Variants in ULK4 observed in about 807,000 individuals in gnomAD.
The protein encoded by ULK4 is inactive serine/threonine-protein kinase ULK4.
ULK4 carries 133 observed loss-of-function variants against 160.6 expected under a neutral mutation model. The observed-to-expected ratio is 0.83, with a 90% CI of 0.72 to 0.96. The LOEUF (loss-of-function observed/expected upper bound fraction) is 0.96. Among genes scored for constraint, ULK4 ranks in the 40% least tolerant of loss-of-function variants. The probability of loss-of-function intolerance (pLI) is 0.00; values close to 1 mark genes in which losing one functional copy is unlikely to be tolerated. For synonymous variants in ULK4, 534 were observed against 539.8 expected (o/e 0.99, Z 0.15); for missense variants, 1,580 against 1,499.5 (o/e 1.05, Z -0.89).
chr3:41,821,415 C>G (rs1263256755), intron 18 of ULK4, among the ~76,000 whole-genome samples: 1 of 152,198 alleles, frequency 6.6e-6, no homozygotes, highest in African/African-American at 2.4e-5. Context: ...CCCACCACTT[C>G]ACCTACTCTC....
chr3:41,814,852 T>C (rs1050768748), intron 19 of ULK4, among the ~76,000 whole-genome samples: 1 of 152,060 alleles, frequency 6.6e-6, no homozygotes, highest in African/African-American at 2.4e-5. Context: ...CTTTCAGTCT[T>C]TCTATAACTT....
At chr3:41,462,845 T>C (rs553885017) in intron 33 of ULK4, among the ~76,000 whole-genome samples, 5 of 152,302 alleles carry the variant, frequency 3.3e-5, no homozygotes, top group South Asian at 4.1e-4. Flanking sequence ...GTTTCCCAAC[T>C]AATGCTTGCT....
chr3:41,918,677 C>T (rs1559649730), intron 6 of ULK4, 137 bp from the exon 7 acceptor site: 7 of 456,152 alleles, frequency 1.5e-5, no homozygotes, highest in South Asian at 1.5e-4. Flanking sequence ...TCTCGGCTCA[C>T]TGCACACTCC....
intron 36 of ULK4, 22 bp from the exon 37 acceptor site, chr3:41,247,014 G>A (rs2078656303): frequency 3.1e-6 from 5 of 1,611,764 alleles, no homozygotes; most frequent in Non-Finnish European, 1.7e-6. Context: ...ACCAAAGTAG[G>A]TACACTTAAT....
chr3:41,648,053 C>T (rs867842877), intron 30 of ULK4, among the ~76,000 whole-genome samples: 5 of 152,202 alleles, frequency 3.3e-5, no homozygotes. Flanking sequence ...GTCGGAAAAG[C>T]GCAGTATTCT....
chr3:41,935,957 A>T lies in ULK4; in HGVS notation c.239-17T>A, dbSNP rs751295976. 6.2e-7 allele frequency: 1 copy of T among 1,609,932 alleles called. No homozygotes were observed. The highest frequency in any genetic ancestry group is 8.5e-7 in the Non-Finnish European group (1 of 1,178,964). On this transcript the variant is annotated splice_polypyrimidine_tract_variant and intron_variant, in intron 3 of 36. Transcript: ENST00000301831. Reference sequence around the variant, plus strand: ...AGGAACCACCTGCAAGAGGTTGATTAAAATCACCCATTTCAACCCCCTACC... The same window carrying T: ...AGGAACCACCTGCAAGAGGTTGATTTAAATCACCCATTTCAACCCCCTACC...
At chr3:41,358,446 A>C (rs987017750) in intron 35 of ULK4, among the ~76,000 whole-genome samples, 4 of 152,210 alleles carry the variant, frequency 2.6e-5, no homozygotes, top group Admixed American at 1.3e-4. Flanking sequence ...ATCAGCAGGC[A>C]AAGGATGCAG....
chr3:41,948,806 C>T (rs1700191911), intron 2 of ULK4, among the ~76,000 whole-genome samples: 1 of 149,684 alleles, frequency 6.7e-6, no homozygotes, highest in Non-Finnish European at 1.5e-5. Flanking sequence ...AAACCCAAAG[C>T]AAACAACATA....
At chr3:41,906,508 GAC>G (rs1490401321) in intron 12 of ULK4, among the ~76,000 whole-genome samples, 7 of 151,794 alleles carry the variant, frequency 4.6e-5, no homozygotes, top group African/African-American at 1.7e-4. Flanking sequence ...CAGCCTGGAT[GAC>G]AGAGTGAGAC....
At chr3:41,357,496 T>C (rs1040881467) in intron 35 of ULK4, among the ~76,000 whole-genome samples, 10 of 152,270 alleles carry the variant, frequency 6.6e-5, no homozygotes, top group African/African-American at 2.4e-4. Context: ...TTGCATGTGG[T>C]CTGCTTCCCG....
At chr3:41,790,141 C>T (rs1484014945) in intron 20 of ULK4, among the ~76,000 whole-genome samples, 1 of 152,254 alleles carries the variant, frequency 6.6e-6, no homozygotes, top group East Asian at 1.9e-4. Flanking sequence ...AACACATTAT[C>T]AAACACCTGC....
chr3:41,946,288 A>G (rs1278940243), intron 2 of ULK4, among the ~76,000 whole-genome samples: 1 of 152,228 alleles, frequency 6.6e-6, no homozygotes, highest in African/African-American at 2.4e-5. Flanking sequence ...GTGTGACACA[A>G]AAAAGTACAT....
chr3:41,812,247 T>C (rs2040839616), intron 19 of ULK4, among the ~76,000 whole-genome samples: 2 of 152,192 alleles, frequency 1.3e-5, no homozygotes, highest in African/African-American at 4.8e-5. Context: ...ATCACACCAC[T>C]GCATTCCAGC....
At chr3:41,725,181 A>C (rs1383862984) in intron 22 of ULK4, among the ~76,000 whole-genome samples, 2 of 152,238 alleles carry the variant, frequency 1.3e-5, no homozygotes, top group African/African-American at 4.8e-5. Flanking sequence ...CAGTCTACAC[A>C]AAAGTCATGA....
chr3:41,544,820 G>A (rs2086805919), intron 32 of ULK4, among the ~76,000 whole-genome samples: 1 of 152,106 alleles, frequency 6.6e-6, no homozygotes, highest in African/African-American at 2.4e-5. Flanking sequence ...TTTTAGTCGG[G>A]GGTTCCAAAT....
chr3:41,770,724 G>A (rs937933731), intron 21 of ULK4, among the ~76,000 whole-genome samples: 2 of 151,998 alleles, frequency 1.3e-5, no homozygotes, highest in Non-Finnish European at 2.9e-5. Context: ...TGTTGGCCAG[G>A]CTGGTCTTGA....
intron 35 of ULK4, among the ~76,000 whole-genome samples, chr3:41,380,486 C>G (rs2081625103): frequency 6.6e-6 from 1 of 152,092 alleles, no homozygotes; most frequent in Non-Finnish European, 1.5e-5. Context: ...TACTGACTCC[C>G]AGAGGCAGGG....
At position 41,376,857 on chromosome 3, in the gene ULK4, A is replaced by G. The variant is rs555816237; in HGVS notation, c.3678+21222T>C. 7.8e-4 allele frequency among the ~76,000 whole-genome samples: 117 copies of G among 150,124 alleles called. 10 individuals carry two copies. Among genetic ancestry groups the G allele is most frequent in the African/African-American group, 2.8e-3 (112 of 40,212 alleles). On this transcript the variant is annotated intron_variant, in intron 35 of 36. Coordinates refer to ENST00000301831, the MANE Select transcript of ULK4 (RefSeq NM_017886.4). ...ACAAGCTACCAATGACTTTCTTCAC[A>G]GAATTGGAAAAAACTACTTTCAAGT...
chr3:41,763,539 T>C (rs888430733), intron 21 of ULK4, among the ~76,000 whole-genome samples: 2 of 152,248 alleles, frequency 1.3e-5, no homozygotes, highest in African/African-American at 2.4e-5. Flanking sequence ...ATAGTAGTAG[T>C]TGGCATTTTA....
Sources: allele counts gnomAD v4.1 joint callset (sites outside exome capture counted in the v4.1 genomes callset), GRCh38; gene constraint gnomAD v4.1.1; transcripts MANE v1.5; gene names NCBI Gene and HGNC (gene_info 2026-07-23, HGNC 2026-07-21).